Variants in EPHB1 observed in about 807,000 individuals in gnomAD.
EPHB1 encodes the protein ephrin type-B receptor 1.
Under a neutral mutation model 94.4 loss-of-function variants are expected in EPHB1, and 30 were observed. The observed-to-expected ratio is 0.32, with a 90% confidence interval of 0.24 to 0.43. The LOEUF (loss-of-function observed/expected upper bound fraction) is 0.43, where lower values mean the gene tolerates loss of function less well. EPHB1 is among the 20% of genes least tolerant of loss of function. The pLI, the probability that EPHB1 is intolerant of heterozygous loss-of-function variation, is 1.00. For synonymous variants in EPHB1, 522 were observed against 489.1 expected (o/e 1.07, Z -0.89); for missense variants, 1,055 against 1,308.3 (o/e 0.81, Z 2.99).
intron 2 of EPHB1, among the ~76,000 whole-genome samples, chr3:134,930,827 AT>A (rs2038891670): frequency 6.6e-6 from 1 of 151,994 alleles, no homozygotes; most frequent in Admixed American, 6.6e-5. Context: ...TGGGTGCCCC[AT>A]TTTTTTAAGC....
Position 135,125,289 on chromosome 3 carries a change from G to C in EPHB1, c.962-7425G>C, listed in dbSNP as rs909866246. ...TTGCACCACTGACCTCTGTTATTGGGATCTTATTATGATGCCTGACATAGA... is the reference window on the plus strand; with the variant it reads ...TTGCACCACTGACCTCTGTTATTGGCATCTTATTATGATGCCTGACATAGA... On this transcript the variant is annotated intron_variant, in intron 4 of 15. Coordinates refer to ENST00000398015, the MANE Select transcript of EPHB1 (RefSeq NM_004441.5). Among the ~76,000 whole-genome samples the C allele has an allele frequency of 3.2e-4, 48 of 151,590 alleles. 4 individuals are homozygous for C. Among genetic ancestry groups the C allele is most frequent in the African/African-American group, 1.1e-3 (45 of 40,932 alleles).
chr3:134,839,300 G>A (rs2036734589), intron 1 of EPHB1, among the ~76,000 whole-genome samples: 1 of 152,148 alleles, frequency 6.6e-6, no homozygotes, highest in South Asian at 2.1e-4. Flanking sequence ...TACCGTGCTT[G>A]TTACTGGCTG....
chr3:135,006,323 C>T (rs750111466), intron 3 of EPHB1, among the ~76,000 whole-genome samples: 1 of 151,890 alleles, frequency 6.6e-6, no homozygotes, highest in Non-Finnish European at 1.5e-5. Flanking sequence ...TTACTACGGG[C>T]AGATGGGGAG....
chr3:135,022,183 G>A (rs921512678), intron 3 of EPHB1, among the ~76,000 whole-genome samples: 2 of 152,116 alleles, frequency 1.3e-5, no homozygotes, highest in Non-Finnish European at 2.9e-5. Context: ...TGTTAGCCAG[G>A]ATGGTCTCGA....
intron 8 of EPHB1, 79 bp downstream of exon 8, chr3:135,166,155 C>A: frequency 9.5e-7 from 1 of 1,049,600 alleles, no homozygotes; most frequent in Non-Finnish European, 1.5e-6. Context: ...CTGCGTGGAT[C>A]AGATAGGGTG....
intron 2 of EPHB1, among the ~76,000 whole-genome samples, chr3:134,933,765 A>G (rs1248844984): frequency 1.3e-5 from 2 of 152,164 alleles, no homozygotes; most frequent in African/African-American, 2.4e-5. Context: ...TGTCTTCCCC[A>G]GTGAAATGCT....
intron 2 of EPHB1, among the ~76,000 whole-genome samples, chr3:134,939,548 A>G (rs952540169): frequency 6.6e-6 from 1 of 152,252 alleles, no homozygotes. Flanking sequence ...GTAGGAATTT[A>G]TGCCCCACGG....
chr3:135,049,577 TTTC>T (rs776129787), intron 3 of EPHB1, among the ~76,000 whole-genome samples: 26 of 152,338 alleles, frequency 1.7e-4, no homozygotes, highest in South Asian at 6.2e-4. Context: ...ATGCCACCAG[TTTC>T]TTAAGGCCTT....
At chr3:134,940,960 C>T (rs188778378) in intron 2 of EPHB1, among the ~76,000 whole-genome samples, 1 of 152,118 alleles carries the variant, frequency 6.6e-6, no homozygotes, top group South Asian at 2.1e-4. Context: ...TAGCTGGGAT[C>T]GTATTAGGTC....
chr3:135,164,927 C>A (rs755335932), intron 7 of EPHB1, among the ~76,000 whole-genome samples: 2 of 151,946 alleles, frequency 1.3e-5, no homozygotes, highest in Non-Finnish European at 2.9e-5. Context: ...AAGTATCTCC[C>A]AAGCAATATT....
At chr3:134,846,318 C>T (rs1249912771) in intron 1 of EPHB1, among the ~76,000 whole-genome samples, 1 of 152,136 alleles carries the variant, frequency 6.6e-6, no homozygotes, top group African/African-American at 2.4e-5. Context: ...ATTGCTTGCA[C>T]GTTGCAATCT....
intron 10 of EPHB1, among the ~76,000 whole-genome samples, chr3:135,185,993 G>A (rs1296345242): frequency 2.6e-5 from 4 of 152,198 alleles, no homozygotes; most frequent in African/African-American, 9.7e-5. Flanking sequence ...CTTCTTCTAA[G>A]TGTGATCAGT....
At chr3:135,231,592 T>C (rs1943532860) in intron 12 of EPHB1, among the ~76,000 whole-genome samples, 1 of 152,252 alleles carries the variant, frequency 6.6e-6, no homozygotes, top group Non-Finnish European at 1.5e-5. Flanking sequence ...CACCCGATTG[T>C]AAATCTTTCC....
intron 11 of EPHB1, among the ~76,000 whole-genome samples, chr3:135,199,862 A>T (rs1435098571): frequency 6.6e-6 from 1 of 152,244 alleles, no homozygotes; most frequent in East Asian, 1.9e-4. Flanking sequence ...ATTTTTGCAT[A>T]GAAAATGCTT....
At chr3:135,024,468 C>T (rs1936078671) in intron 3 of EPHB1, among the ~76,000 whole-genome samples, 1 of 152,144 alleles carries the variant, frequency 6.6e-6, no homozygotes, top group Non-Finnish European at 1.5e-5. Flanking sequence ...CTTTCAACCA[C>T]GTGGTTTAGA....
chr3:135,218,357 C>A (rs1434625431), intron 12 of EPHB1, among the ~76,000 whole-genome samples: 1 of 152,152 alleles, frequency 6.6e-6, no homozygotes, highest in Non-Finnish European at 1.5e-5. Context: ...ACTTTGTTAC[C>A]AATGCTCAGT....
chr3:135,138,167 T>C (rs1361746664), intron 5 of EPHB1, among the ~76,000 whole-genome samples: 1 of 152,252 alleles, frequency 6.6e-6, no homozygotes, highest in Non-Finnish European at 1.5e-5. Context: ...GCGTGCCACT[T>C]CCATGTGGAA....
chr3:135,048,721 C>T (rs1937084085), intron 3 of EPHB1, among the ~76,000 whole-genome samples: 1 of 152,320 alleles, frequency 6.6e-6, no homozygotes, highest in Middle Eastern at 3.4e-3. Flanking sequence ...CAGTGGGCAC[C>T]ATGTTCCTGG....
chr3:135,077,116 TAAA>T, intron 3 of EPHB1, among the ~76,000 whole-genome samples: 1 of 152,148 alleles, frequency 6.6e-6, no homozygotes, highest in African/African-American at 2.4e-5. Context: ...CTGCTTAAGA[TAAA>T]AAAGAAAGAA....
Sources: gnomAD v4.1 joint callset for allele counts (sites outside exome capture counted in the v4.1 genomes callset) on GRCh38, gnomAD v4.1.1 for gene constraint, MANE v1.5 for transcripts, NCBI Gene and HGNC (gene_info 2026-07-23, HGNC 2026-07-21) for gene names.